The following ARHGAP8 variants were observed in gnomAD, a reference collection of about 807,000 sequenced individuals.
ARHGAP8 encodes Rho GTPase activating protein 8, also known as rho GTPase-activating protein 8.
Under a neutral mutation model 46.1 loss-of-function variants are expected in ARHGAP8, and 62 were observed. The ratio of observed to expected loss-of-function variants is 1.34; its 90% CI spans 1.10 to 1.66. The LOEUF is 1.66. Among genes scored for constraint, ARHGAP8 ranks in the 40% most tolerant of loss-of-function variants. The pLI, the probability that ARHGAP8 is intolerant of heterozygous loss-of-function variation, is 0.00. For synonymous variants in ARHGAP8, 375 were observed against 243.1 expected (o/e 1.54, Z -5.05); for missense variants, 923 against 568.4 (o/e 1.62, Z -6.34).
At chr22:44,777,778 C>T (rs1009033064) in intron 1 of ARHGAP8, among the ~76,000 whole-genome samples, 2 of 152,148 alleles carry the variant, frequency 1.3e-5, no homozygotes, top group African/African-American at 4.8e-5. Flanking sequence ...TCACTGCAAC[C>T]TCCGCCTCCC....
intron 10 of ARHGAP8, among the ~76,000 whole-genome samples, chr22:44,855,602 C>G (rs577130427): frequency 1.3e-5 from 2 of 152,222 alleles, no homozygotes; most frequent in Admixed American, 1.3e-4. Flanking sequence ...CCAAATAGTC[C>G]TTTTAACCTT....
intron 3 of ARHGAP8, among the ~76,000 whole-genome samples, chr22:44,807,829 T>A (rs539772419): frequency 6.6e-6 from 1 of 152,170 alleles, no homozygotes; most frequent in East Asian, 1.9e-4. Flanking sequence ...GGCCACATCA[T>A]GCTGTCGTCG....
intron 1 of ARHGAP8, among the ~76,000 whole-genome samples, chr22:44,758,628 G>T (rs572378359): frequency 3.5e-4 from 53 of 150,556 alleles, no homozygotes; most frequent in African/African-American, 8.7e-4. Flanking sequence ...GGGAGGGGGG[G>T]AACATAGCGT....
chr22:44,807,281 T>G lies in ARHGAP8; in HGVS notation c.168-1026T>G, dbSNP rs920935553. Among the ~76,000 whole-genome samples, 3 of 152,164 alleles carry G rather than the reference T, an allele frequency of 2.0e-5. No homozygotes were observed. The South Asian group carries it at 6.2e-4, about 32-fold the overall frequency. On this transcript the variant is annotated intron_variant, in intron 3 of 11. Coordinates refer to ENST00000356099, the MANE Select transcript of ARHGAP8 (RefSeq NM_181335.3). Reference sequence around the variant, plus strand: ...GGGTTAGGGGGTCCTTCTGGAGCCCTTCCTTCTGCAGATGGCAGGGCAAGC... The same window carrying G: ...GGGTTAGGGGGTCCTTCTGGAGCCCGTCCTTCTGCAGATGGCAGGGCAAGC...
At chr22:44,813,290 A>G (rs1415015929) in intron 4 of ARHGAP8, among the ~76,000 whole-genome samples, 1 of 151,786 alleles carries the variant, frequency 6.6e-6, no homozygotes, top group Non-Finnish European at 1.5e-5. Flanking sequence ...ACACACATAC[A>G]CACCTGGATA....
At chr22:44,809,641 A>C in intron 4 of ARHGAP8, 1 of 168,694 alleles carries the variant, frequency 5.9e-6, no homozygotes, top group Non-Finnish European at 1.3e-5. Flanking sequence ...AACGCTACTC[A>C]CCGCTTGGCC....
At chr22:44,809,834 C>T (rs1165655231) in intron 4 of ARHGAP8, 1 of 152,512 alleles carries the variant, frequency 6.6e-6, no homozygotes, top group Non-Finnish European at 1.5e-5. Flanking sequence ...ATATCTGAGT[C>T]AGTGGGACAG....
intron 7 of ARHGAP8, among the ~76,000 whole-genome samples, chr22:44,841,212 A>G (rs8138412): frequency 0.27 from 40,354 of 148,614 alleles, 6,304 homozygotes; most frequent in African/African-American, 0.43. Flanking sequence ...CATGGCCAAG[A>G]ATCTGAGTAA....
chr22:44,773,669 G>A (rs140173911), intron 1 of ARHGAP8, among the ~76,000 whole-genome samples: 186 of 152,164 alleles, frequency 1.2e-3, no homozygotes, highest in African/African-American at 3.9e-3. Context: ...TGCATCCTCC[G>A]CCTCCCAGAC....
At chr22:44,776,582 C>T (rs916853580) in intron 1 of ARHGAP8, among the ~76,000 whole-genome samples, 36 of 152,096 alleles carry the variant, frequency 2.4e-4, no homozygotes, top group African/African-American at 8.2e-4. Flanking sequence ...AGTCATAAAA[C>T]GCTGTCTTCT....
At chr22:44,794,095 G>T (rs551337470) in intron 2 of ARHGAP8, among the ~76,000 whole-genome samples, 2 of 152,196 alleles carry the variant, frequency 1.3e-5, no homozygotes, top group South Asian at 2.1e-4. Context: ...CCACCCTGAC[G>T]CTCACTTGGC....
chr22:44,792,295 C>A (rs1927751520), intron 2 of ARHGAP8, among the ~76,000 whole-genome samples: 1 of 152,178 alleles, frequency 6.6e-6, no homozygotes, highest in Admixed American at 6.5e-5. Flanking sequence ...CAGGCGTGAG[C>A]CACTGCACCC....
intron 1 of ARHGAP8, among the ~76,000 whole-genome samples, chr22:44,776,520 G>C (rs978242128): frequency 6.6e-6 from 1 of 152,152 alleles, no homozygotes; most frequent in East Asian, 1.9e-4. Flanking sequence ...CTCCACTGTG[G>C]TGAGGCCTGT....
chr22:44,812,545 C>T (rs1319795937), intron 4 of ARHGAP8, among the ~76,000 whole-genome samples: 4 of 151,792 alleles, frequency 2.6e-5, no homozygotes, highest in Admixed American at 6.6e-5. Flanking sequence ...TTAGTGGAGA[C>T]GGGTTTTCAC....
chr22:44,861,195 C>T (rs1444684783), intron 11 of ARHGAP8, among the ~76,000 whole-genome samples: 2 of 152,170 alleles, frequency 1.3e-5, no homozygotes, highest in African/African-American at 4.8e-5. Context: ...TGATCTTGAA[C>T]TCCTGACCTC....
chr22:44,819,776 G>T (rs958217436), intron 5 of ARHGAP8, among the ~76,000 whole-genome samples: 3 of 152,222 alleles, frequency 2.0e-5, no homozygotes, highest in African/African-American at 7.2e-5. Flanking sequence ...GTACTGTGAA[G>T]TCAGCCACAT....
chr22:44,812,484 G>A (rs1046227380), intron 4 of ARHGAP8, among the ~76,000 whole-genome samples: 1 of 151,602 alleles, frequency 6.6e-6, no homozygotes, highest in Non-Finnish European at 1.5e-5. Flanking sequence ...AGCCTCCTGA[G>A]TGGCTGGGAC....
intron 2 of ARHGAP8, among the ~76,000 whole-genome samples, chr22:44,795,159 A>G (rs1569149101): frequency 6.6e-6 from 1 of 152,174 alleles, no homozygotes; most frequent in Non-Finnish European, 1.5e-5. Flanking sequence ...CTCAGAGTTC[A>G]GTATCATGCA....
chr22:44,839,387 C>T (rs895396494), intron 7 of ARHGAP8, among the ~76,000 whole-genome samples: 1 of 140,574 alleles, frequency 7.1e-6, no homozygotes, highest in African/African-American at 3.2e-5. Flanking sequence ...ATTGGATATG[C>T]AGAAGCCTTA....
Sources: gnomAD v4.1 joint callset for allele counts (sites outside exome capture counted in the v4.1 genomes callset) on GRCh38, gnomAD v4.1.1 for gene constraint, MANE v1.5 for transcripts, NCBI Gene and HGNC (gene_info 2026-07-23, HGNC 2026-07-21) for gene names.